Variants in FARP1 observed in about 807,000 individuals in gnomAD.
The protein encoded by FARP1 is FERM, ARH/RhoGEF and pleckstrin domain protein 1, also known as FERM, ARHGEF and pleckstrin domain-containing protein 1.
A neutral mutation model predicts 128.8 loss-of-function variants in FARP1; 52 were observed. The observed-to-expected ratio is 0.40, with a 90% CI of 0.32 to 0.51. The LOEUF (loss-of-function observed/expected upper bound fraction) is 0.51, where lower values mean the gene tolerates loss of function less well. Ranked by LOEUF, FARP1 falls within the 20% of genes least tolerant of loss-of-function variation. The pLI, the probability that FARP1 is intolerant of heterozygous loss-of-function variation, is 0.45. For missense variants in FARP1, 1,333 were observed against 1,367.9 expected (o/e 0.97, Z 0.40); for synonymous variants, 580 against 551.8 (o/e 1.05, Z -0.72).
At chr13:98,382,010 GC>G (rs1889903625) in intron 6 of FARP1, among the ~76,000 whole-genome samples, 1 of 151,848 alleles carries the variant, frequency 6.6e-6, no homozygotes, top group Non-Finnish European at 1.5e-5. Context: ...TTAGCTTGAG[GC>G]CAAGAGTTCA....
chr13:98,234,865 ACT>A (rs1439448760), intron 2 of FARP1, among the ~76,000 whole-genome samples: 3 of 152,156 alleles, frequency 2.0e-5, no homozygotes, highest in Admixed American at 6.5e-5. Flanking sequence ...GGACCGAAAG[ACT>A]CTGAAACACT....
intron 5 of FARP1, among the ~76,000 whole-genome samples, chr13:98,376,339 T>C (rs1227998124): frequency 6.6e-6 from 1 of 152,208 alleles, no homozygotes; most frequent in Admixed American, 6.5e-5. Flanking sequence ...ATTGTTTTAA[T>C]TTTTAGCTCC....
chr13:98,415,938 G>A (rs1197862970), intron 16 of FARP1, among the ~76,000 whole-genome samples: 1 of 152,286 alleles, frequency 6.6e-6, no homozygotes, highest in Admixed American at 6.5e-5. Context: ...CCTCCTGGGT[G>A]AAATGTGGAT....
chr13:98,269,733 C>T (rs575473247), intron 2 of FARP1, among the ~76,000 whole-genome samples: 14 of 152,324 alleles, frequency 9.2e-5, no homozygotes, highest in South Asian at 4.1e-4. Flanking sequence ...TTCTTAACTA[C>T]TGGGACTATA....
chr13:98,453,269 T>A lies in FARP1; in HGVS notation c.*4952T>A. ...GTCATTTCTCATCCCTGTGCAAAAA[T>A]TCATATAGTAACCAAAATCTTAGTT... On this transcript the variant is annotated 3_prime_UTR_variant, in exon 27 of 27. Transcript: ENST00000319562. The A allele has an allele frequency of 6.5e-7, 1 of 1,541,752 alleles. No individual in the cohort carries two copies. Among genetic ancestry groups the A allele is most frequent in the South Asian group, 1.2e-5 (1 of 83,186 alleles).
At chr13:98,162,423 C>T (rs1351941347) in intron 1 of FARP1, among the ~76,000 whole-genome samples, 1 of 152,100 alleles carries the variant, frequency 6.6e-6, no homozygotes, top group African/African-American at 2.4e-5. Context: ...ATTTTGTTTG[C>T]GTTTGTGCCG....
Position 98,232,393 on chromosome 13 carries a change from A to G in FARP1, c.171+18980A>G, listed in dbSNP as rs150871672. 3.6e-4 allele frequency among the ~76,000 whole-genome samples: 55 copies of G among 152,330 alleles called. 2 individuals carry two copies. Among genetic ancestry groups the G allele is most frequent in the African/African-American group, 1.1e-3 (47 of 41,564 alleles). On this transcript the variant is annotated intron_variant, in intron 2 of 26. Transcript: ENST00000319562. Reference sequence around the variant, plus strand: ...ATGGGCACCAATGTGCCTAGTTAATAATGTATGCAAAGATCATCTCCTTAC... The same window carrying G: ...ATGGGCACCAATGTGCCTAGTTAATGATGTATGCAAAGATCATCTCCTTAC...
chr13:98,157,519 C>T (rs184524548), intron 1 of FARP1, among the ~76,000 whole-genome samples: 81 of 152,266 alleles, frequency 5.3e-4, no homozygotes, highest in African/African-American at 1.9e-3. Flanking sequence ...CGTGGACCCT[C>T]CGTGCTTGTA....
chr13:98,323,486 T>A (rs1442605580), intron 2 of FARP1, among the ~76,000 whole-genome samples: 2 of 152,000 alleles, frequency 1.3e-5, no homozygotes, highest in Non-Finnish European at 2.9e-5. Flanking sequence ...CCATTATTAT[T>A]ATAAGATCAA....
chr13:98,417,460 A>AGGG (rs1566305169), intron 16 of FARP1, among the ~76,000 whole-genome samples: 3 of 102,886 alleles, frequency 2.9e-5, no homozygotes, highest in Admixed American at 9.6e-5. Context: ...GGTTTGAAAA[A>AGGG]AAAAAAAAAA....
At position 98,377,068 on chromosome 13, in the gene FARP1, C is replaced by T. The variant is rs139879205; in HGVS notation, c.399-753C>T. Among the ~76,000 whole-genome samples the T allele has an allele frequency of 2.6e-4, 39 of 151,890 alleles. No individual in the cohort carries two copies. The East Asian group carries it at 4.8e-3, about 19-fold the overall frequency. ...TTGTGATCCCAGCACTTTGGGAGGCCGAGGTGGGCAGATCATGAGGTCAAG... is the reference window on the plus strand; with the variant it reads ...TTGTGATCCCAGCACTTTGGGAGGCTGAGGTGGGCAGATCATGAGGTCAAG... On this transcript the variant is annotated intron_variant, in intron 5 of 26. Transcript: ENST00000319562.
intron 2 of FARP1, among the ~76,000 whole-genome samples, chr13:98,257,719 G>A (rs1454758864): frequency 1.3e-5 from 2 of 152,086 alleles, no homozygotes; most frequent in East Asian, 1.9e-4. Flanking sequence ...GTAGTGAGCC[G>A]AGATTGCACC....
At chr13:98,170,188 T>A (rs961661947) in intron 1 of FARP1, among the ~76,000 whole-genome samples, 15 of 151,930 alleles carry the variant, frequency 9.9e-5, no homozygotes, top group Middle Eastern at 3.2e-3. Context: ...AATGTCTGCA[T>A]TTTTTTTGTT....
At chr13:98,308,976 C>G (rs951593751) in intron 2 of FARP1, among the ~76,000 whole-genome samples, 2 of 151,862 alleles carry the variant, frequency 1.3e-5, no homozygotes. Context: ...CCACTATGCC[C>G]GGCCAATAGG....
At chr13:98,172,057 A>G (rs1877689756) in intron 1 of FARP1, among the ~76,000 whole-genome samples, 1 of 152,282 alleles carries the variant, frequency 6.6e-6, no homozygotes, top group African/African-American at 2.4e-5. Flanking sequence ...GGATGGTAAC[A>G]AAGAGAAGAT....
chr13:98,333,135 C>T (rs1887581008), intron 2 of FARP1: 1 of 152,058 alleles, frequency 6.6e-6, no homozygotes, highest in African/African-American at 2.4e-5. Context: ...AAGTGGTGTC[C>T]TACTTTCTAC....
intron 13 of FARP1, chr13:98,407,109 T>C (rs1169807357): frequency 6.5e-6 from 1 of 152,686 alleles, no homozygotes; most frequent in Non-Finnish European, 1.5e-5. Flanking sequence ...CTGTTCCACG[T>C]CACTGCAAAG....
At chr13:98,424,176 TCTCTAGGATGGAATCTG>T (rs1460478296) in intron 16 of FARP1, among the ~76,000 whole-genome samples, 43 of 152,316 alleles carry the variant, frequency 2.8e-4, no homozygotes, top group African/African-American at 9.9e-4. Context: ...GCAGTACCCA[TCTCTAGGATGGAATCTG>T]TTTACAAGCT....
At chr13:98,339,896 T>C (rs1366534853) in intron 2 of FARP1, among the ~76,000 whole-genome samples, 8 of 152,156 alleles carry the variant, frequency 5.3e-5, no homozygotes, top group Non-Finnish European at 1.2e-4. Context: ...GAGTGTGCAG[T>C]GCTGGGGCGG....
Sources: gnomAD v4.1 joint callset for allele counts (sites outside exome capture counted in the v4.1 genomes callset) on GRCh38, gnomAD v4.1.1 for gene constraint, MANE v1.5 for transcripts, NCBI Gene and HGNC (gene_info 2026-07-23, HGNC 2026-07-21) for gene names.